JAKMIP2: variants seen among roughly 807,000 people sequenced by gnomAD.
JAKMIP2 encodes janus kinase and microtubule-interacting protein 2.
JAKMIP2 carries 25 observed loss-of-function variants against 115.0 expected under a neutral mutation model. The observed-to-expected ratio is 0.22, with a 90% CI of 0.16 to 0.30. The LOEUF is 0.30. Among genes scored for constraint, JAKMIP2 ranks in the 10% least tolerant of loss-of-function variants. JAKMIP2 has a pLI of 1.00. For synonymous variants in JAKMIP2, 334 were observed against 343.6 expected, an observed-to-expected ratio of 0.97 and a Z score of 0.31; for missense variants, 642 against 957.6, an observed-to-expected ratio of 0.67 and a Z score of 4.35.
At chr5:147,636,193 G>A (rs765581917) in intron 12 of JAKMIP2, 29 bp downstream of exon 12, 35 of 1,588,032 alleles carry the variant, frequency 2.2e-5, no homozygotes, top group Admixed American at 1.2e-4. Flanking sequence ...TTTCTCCTCT[G>A]CCCCGCTAGG....
intron 1 of JAKMIP2, among the ~76,000 whole-genome samples, chr5:147,718,441 C>T (rs904795862): frequency 9.9e-5 from 15 of 152,044 alleles, no homozygotes; most frequent in African/African-American, 3.1e-4. Flanking sequence ...CCTCCTTGTA[C>T]CTCTGGTAGA....
At chr5:147,713,353 A>G (rs763727879) in intron 1 of JAKMIP2, among the ~76,000 whole-genome samples, 6 of 152,186 alleles carry the variant, frequency 3.9e-5, no homozygotes, top group African/African-American at 7.2e-5. Context: ...TATTAGAAAA[A>G]ACAATAAAAG....
At chr5:147,673,171 G>T (rs971159593) in intron 1 of JAKMIP2, among the ~76,000 whole-genome samples, 1 of 152,154 alleles carries the variant, frequency 6.6e-6, no homozygotes, top group Non-Finnish European at 1.5e-5. Context: ...GGAGAGAAAA[G>T]GGGTGGGGGA....
intron 5 of JAKMIP2, among the ~76,000 whole-genome samples, chr5:147,645,413 G>C (rs1212424367): frequency 6.6e-6 from 1 of 152,068 alleles, no homozygotes; most frequent in Non-Finnish European, 1.5e-5. Context: ...TAAGTAATGC[G>C]ACCAGGAGCT....
At chr5:147,702,703 GAAAAA>G (rs141121839) in intron 1 of JAKMIP2, among the ~76,000 whole-genome samples, 21,276 of 136,988 alleles carry the variant, frequency 0.16, 2,254 homozygotes, top group African/African-American at 0.25. Flanking sequence ...GAAAAGAAAA[GAAAAA>G]AAAAGAGCAG....
chr5:147,695,225 G>A (rs965754048), intron 1 of JAKMIP2, among the ~76,000 whole-genome samples: 1 of 152,242 alleles, frequency 6.6e-6, no homozygotes, highest in East Asian at 1.9e-4. Flanking sequence ...TTAAAGTGCT[G>A]TTGAATACAC....
rs1048574696 is a variant in JAKMIP2, at chr5:147,667,555, T to C, written c.129+4123A>G. ...AGCTAAGCTAACATAAACTTTGGCC[T>C]GGATTATCTGCATTGGATGTTCCTG... On this transcript the variant is annotated intron_variant, in intron 2 of 21. Transcript: ENST00000616793. Among the ~76,000 whole-genome samples, 7 of 152,238 alleles carry C rather than the reference T, an allele frequency of 4.6e-5. No individual in the cohort carries two copies. In the East Asian group the frequency reaches 9.7e-4, roughly 21 times the overall value.
chr5:147,646,905 G>A (rs969773191), intron 5 of JAKMIP2, among the ~76,000 whole-genome samples: 3 of 151,392 alleles, frequency 2.0e-5, no homozygotes, highest in Non-Finnish European at 2.9e-5. Context: ...TACATATAAA[G>A]TTAAATTTAA....
At chr5:147,656,691 G>C (rs1021238124) in intron 3 of JAKMIP2, among the ~76,000 whole-genome samples, 1 of 152,078 alleles carries the variant, frequency 6.6e-6, no homozygotes, top group African/African-American at 2.4e-5. Context: ...TTACATTTAA[G>C]GTTAATATTG....
At chr5:147,706,994 T>C (rs754567253) in intron 1 of JAKMIP2, among the ~76,000 whole-genome samples, 1 of 152,194 alleles carries the variant, frequency 6.6e-6, no homozygotes, top group Non-Finnish European at 1.5e-5. Flanking sequence ...TATTTACCTG[T>C]GTGTTATACT....
chr5:147,721,590 C>T (rs1437230924), intron 1 of JAKMIP2, among the ~76,000 whole-genome samples: 19 of 151,956 alleles, frequency 1.3e-4, no homozygotes, highest in African/African-American at 4.6e-4. Flanking sequence ...GCGCAGTATT[C>T]GGGTGGGAGT....
chr5:147,774,020 T>C (rs1039533902), intron 1 of JAKMIP2, among the ~76,000 whole-genome samples: 1 of 152,186 alleles, frequency 6.6e-6, no homozygotes, highest in Non-Finnish European at 1.5e-5. Context: ...GTATTCTAAA[T>C]TTTATAGATG....
chr5:147,764,922 G>GAAAGAAAGAAAGAAAGAAAGAAAGAAA (rs550191358), intron 1 of JAKMIP2, among the ~76,000 whole-genome samples: 1 of 71,754 alleles, frequency 1.4e-5, no homozygotes. Flanking sequence ...AAGAAAGAAA[G>GAAAGAAAGAAAGAAAGAAAGAAAGAAA]AGAGAGAGAG....
At chr5:147,702,645 AAAG>A (rs1752406343) in intron 1 of JAKMIP2, among the ~76,000 whole-genome samples, 1 of 133,586 alleles carries the variant, frequency 7.5e-6, no homozygotes, top group African/African-American at 3.1e-5. Context: ...AGAAAGAAAG[AAAG>A]AAAGAAAGAA....
chr5:147,773,301 AC>A (rs1755433758), intron 1 of JAKMIP2, among the ~76,000 whole-genome samples: 1 of 152,140 alleles, frequency 6.6e-6, no homozygotes, highest in East Asian at 1.9e-4. Flanking sequence ...CGTTGGTCAA[AC>A]AGCACTTAAG....
chr5:147,609,494 A>C (rs887002820), intron 20 of JAKMIP2, among the ~76,000 whole-genome samples: 3 of 152,146 alleles, frequency 2.0e-5, no homozygotes, highest in African/African-American at 7.2e-5. Context: ...AGAATGTTGA[A>C]TATTGGCCCC....
Position 147,782,543 on chromosome 5 carries a change from G to C in JAKMIP2, c.-236C>G. On this transcript the variant is annotated 5_prime_UTR_variant, in exon 1 of 22. Coordinates refer to ENST00000616793, the MANE Select transcript of JAKMIP2 (RefSeq NM_001270941.2). ...TGTGACCGAGTCGGATGCAGCCTCCGAACCCAACATCAGCAGTGGCTGCCG... is the reference window on the plus strand; with the variant it reads ...TGTGACCGAGTCGGATGCAGCCTCCCAACCCAACATCAGCAGTGGCTGCCG... 7.0e-7 allele frequency: 1 copy of C among 1,428,828 alleles called. No homozygotes were observed. Among genetic ancestry groups the C allele is most frequent in the Non-Finnish European group, 9.5e-7 (1 of 1,049,382 alleles). 88.5% of individuals were successfully genotyped at this position (1,428,828 alleles called of 1,614,324 possible).
intron 1 of JAKMIP2, among the ~76,000 whole-genome samples, chr5:147,712,815 A>G (rs1752834310): frequency 6.6e-6 from 1 of 152,218 alleles, no homozygotes; most frequent in Non-Finnish European, 1.5e-5. Flanking sequence ...ATGGAAGGGC[A>G]TACATTTTAC....
At chr5:147,643,513 G>A (rs1757977394) in intron 7 of JAKMIP2, among the ~76,000 whole-genome samples, 1 of 152,130 alleles carries the variant, frequency 6.6e-6, no homozygotes, top group Admixed American at 6.6e-5. Context: ...GCCAAACTCT[G>A]ATGGAAGTAA....
Sources: allele counts gnomAD v4.1 joint callset (sites outside exome capture counted in the v4.1 genomes callset), GRCh38; gene constraint gnomAD v4.1.1; transcripts MANE v1.5; gene names NCBI Gene and HGNC (gene_info 2026-07-23, HGNC 2026-07-21).